Variants in AKNA observed in about 807,000 individuals in gnomAD.
The protein encoded by AKNA is microtubule organization protein AKNA.
AKNA carries 67 observed loss-of-function variants against 138.8 expected under a neutral mutation model. That is an observed-to-expected ratio of 0.48 (90% CI 0.40 to 0.59). AKNA has a LOEUF of 0.59. AKNA is among the 20% of genes least tolerant of loss of function. The probability of loss-of-function intolerance (pLI) is 0.00; values close to 1 mark genes in which losing one functional copy is unlikely to be tolerated. For missense variants in AKNA, 1,813 were observed against 1,880.4 expected, an observed-to-expected ratio of 0.96 and a Z score of 0.66; for synonymous variants, 737 against 754.4, an observed-to-expected ratio of 0.98 and a Z score of 0.38.
At chr9:114,361,425 A>C (rs1004378081) in intron 9 of AKNA, among the ~76,000 whole-genome samples, 1 of 152,068 alleles carries the variant, frequency 6.6e-6, no homozygotes, top group Non-Finnish European at 1.5e-5. Context: ...CCTTCAGTGC[A>C]CTGACCAAAA....
At chr9:114,383,088 T>TCGC (rs1833803720) in intron 1 of AKNA, 1 of 455,300 alleles carries the variant, frequency 2.2e-6, no homozygotes, top group Non-Finnish European at 4.4e-6. Context: ...GGGAGTGGTT[T>TCGC]CGCCGCCGAT....
At chr9:114,374,931 T>A (rs1833056566) in intron 3 of AKNA, among the ~76,000 whole-genome samples, 1 of 152,220 alleles carries the variant, frequency 6.6e-6, no homozygotes, top group South Asian at 2.1e-4. Flanking sequence ...TTTAGCATAT[T>A]TCCAGCAATT....
chr9:114,337,324 T>C lies in AKNA; in HGVS notation c.4068-18A>G. ...CATAGTACCTGAGGAGAGAAGTGAG[T>C]GGGCTCGTTACACATGGGGAGGGCT... is the stretch of plus-strand genomic sequence containing the variant. On this transcript the variant is annotated intron_variant, in intron 21 of 21. Coordinates refer to ENST00000374088, the MANE Select transcript of AKNA (RefSeq NM_001317950.2). 7.0e-7 allele frequency: 1 copy of C among 1,424,966 alleles called. No individual in the cohort carries two copies. Among genetic ancestry groups the C allele is most frequent in the Non-Finnish European group, 9.3e-7 (1 of 1,076,102 alleles). 88.3% of individuals were successfully genotyped at this position (1,424,966 alleles called of 1,614,324 possible).
intron 21 of AKNA, among the ~76,000 whole-genome samples, chr9:114,337,912 A>G (rs1830105476): frequency 6.6e-6 from 1 of 152,202 alleles, no homozygotes; most frequent in South Asian, 2.1e-4. Flanking sequence ...GTTGTTTTAA[A>G]GTGCTGTGGG....
intron 4 of AKNA, among the ~76,000 whole-genome samples, chr9:114,372,875 G>T (rs997984039): frequency 6.7e-6 from 1 of 148,980 alleles, no homozygotes; most frequent in African/African-American, 2.5e-5. Context: ...CCAGGAGGAA[G>T]TCTGATTAGC....
At chr9:114,332,652 GCAAC>G (rs1829876779), downstream of AKNA, among the ~76,000 whole-genome samples, 2 of 151,052 alleles carry the variant, frequency 1.3e-5, 1 homozygote, top group African/African-American at 4.9e-5. Flanking sequence ...GCTTATGAAC[GCAAC>G]CACTGTAGTC....
Position 114,337,236 on chromosome 9 carries a change from G to A in AKNA, c.4138C>T (p.Pro1380Ser), listed in dbSNP as rs1475270913. 1 of 1,573,288 alleles carries A rather than the reference G, an allele frequency of 6.4e-7. No individual in the cohort carries two copies. Among genetic ancestry groups the A allele is most frequent in the South Asian group, 1.1e-5 (1 of 87,742 alleles). The change falls in exon 22 of 22, where the codon CCA becomes TCA. Residue 1380 changes from proline to serine, a missense_variant. Pro to Ser is a moderately conservative substitution (Grantham distance 74). Transcript: ENST00000374088. ...AKWPPTASPP[P>S]ARRHRHSIQL... ...ATGGAGTGCCGGTGTCTCCGGGCTG[G>A]TGGGGGAGAGGCTGTGGGCGGCCAC... is the stretch of plus-strand genomic sequence containing the variant.
At chr9:114,341,754 CAG>C (rs772417380) in intron 20 of AKNA, 29 bp from the exon 21 acceptor site, 109 of 1,535,212 alleles carry the variant, frequency 7.1e-5, no homozygotes, top group Non-Finnish European at 9.3e-5. Context: ...CACAGAGAGA[CAG>C]AGTCTGACCA....
chr9:114,331,147 A>T (rs186024524), downstream of AKNA, among the ~76,000 whole-genome samples: 2 of 152,196 alleles, frequency 1.3e-5, no homozygotes, highest in East Asian at 3.9e-4. Context: ...CCTCTCTCTC[A>T]CGCCCTCTTT....
chr9:114,376,996 G>C lies in AKNA; in HGVS notation c.811C>G (p.Gln271Glu). The C allele has an allele frequency of 6.2e-7, 1 of 1,614,212 alleles. No homozygotes were observed. ...EFQDSSAPPA[Q>E]SPQHATDRWR... ...CTATCTGTGGCATGCTGCGGACTCTGGGCTGGGGGAGCTGAGGAGTCCTGG... is the reference window on the plus strand; with the variant it reads ...CTATCTGTGGCATGCTGCGGACTCTCGGCTGGGGGAGCTGAGGAGTCCTGG... Residue 271 changes from glutamine to glutamate, a missense_variant, in exon 3 of 22, where the codon CAG becomes GAG. Coordinates refer to ENST00000374088, the MANE Select transcript of AKNA (RefSeq NM_001317950.2).
intron 19 of AKNA, 128 bp downstream of exon 19, chr9:114,343,580 C>T: frequency 1.1e-6 from 1 of 928,008 alleles, no homozygotes; most frequent in South Asian, 1.5e-5. Context: ...AATCCTCTTC[C>T]CTGGTCTGTC....
downstream of AKNA, chr9:114,330,724 T>A: frequency 5.6e-6 from 9 of 1,598,966 alleles, no homozygotes; most frequent in Non-Finnish European, 7.7e-6. Flanking sequence ...CCCGGGACTG[T>A]GATGGGCGAT....
intron 21 of AKNA, 101 bp from the exon 22 acceptor site, chr9:114,337,407 G>T (rs1830069777): frequency 1.6e-6 from 2 of 1,244,792 alleles, no homozygotes; most frequent in African/African-American, 3.1e-5. Flanking sequence ...TCCCAGCTGG[G>T]CCAGTGGCTC....
rs1315349448 is a variant in AKNA, at chr9:114,335,427, G to T, written c.*1627C>A. ...AGACAATGCCCAGTGCTTAGCACCG[G>T]AATCAGGGTCTAGCAGGTGCTCCCT... On this transcript the variant is annotated 3_prime_UTR_variant, in exon 22 of 22. Transcript: ENST00000374088. 1 of 152,260 alleles carries T rather than the reference G, an allele frequency of 6.6e-6. No homozygotes were observed. Among genetic ancestry groups the T allele is most frequent in the Non-Finnish European group, 1.5e-5 (1 of 68,090 alleles). The allele number at this position is 152,260 out of a possible 1,614,324, so 9.4% of individuals were successfully genotyped here.
chr9:114,336,933 G>T lies in AKNA; in HGVS notation c.*121C>A. The T allele has an allele frequency of 7.7e-7, 1 of 1,298,002 alleles. No individual in the cohort carries two copies. Among genetic ancestry groups the T allele is most frequent in the Non-Finnish European group, 1.0e-6 (1 of 983,612 alleles). 80.4% of individuals were successfully genotyped at this position (1,298,002 alleles called of 1,614,324 possible). ...TGAGCAGGCGGGACCTGTGCTGGAG[G>T]GAGACCCTCCTGGTGAGGAACTATG... is the stretch of plus-strand genomic sequence containing the variant. On this transcript the variant is annotated 3_prime_UTR_variant, in exon 22 of 22. Transcript: ENST00000374088.
At chr9:114,349,304 A>G (rs1268800954) in intron 15 of AKNA, among the ~76,000 whole-genome samples, 1 of 152,144 alleles carries the variant, frequency 6.6e-6, no homozygotes, top group East Asian at 1.9e-4. Flanking sequence ...TTTCTCTGCA[A>G]ACTTACTTCC....
upstream of AKNA, among the ~76,000 whole-genome samples, chr9:114,395,550 T>C (rs1336089596): frequency 6.6e-6 from 1 of 151,772 alleles, no homozygotes. Flanking sequence ...ACTCACACCG[T>C]ACACTACAAA....
At chr9:114,365,620 C>T (rs866953065) in intron 6 of AKNA, among the ~76,000 whole-genome samples, 1,876 of 152,100 alleles carry the variant, frequency 0.012, 26 homozygotes, top group African/African-American at 0.043. Flanking sequence ...GCTACACCAT[C>T]TATAATTTTC....
At chr9:114,390,662 T>C (rs940749313), upstream of AKNA, among the ~76,000 whole-genome samples, 1 of 152,200 alleles carries the variant, frequency 6.6e-6, no homozygotes, top group Non-Finnish European at 1.5e-5. Flanking sequence ...CTAGCTACTA[T>C]GGCTCTGAGA....
Sources: gnomAD v4.1 joint callset for allele counts (sites outside exome capture counted in the v4.1 genomes callset) on GRCh38, gnomAD v4.1.1 for gene constraint, MANE v1.5 for transcripts, NCBI Gene and HGNC (gene_info 2026-07-23, HGNC 2026-07-21) for gene names.